ARB2A: variants seen among roughly 807,000 people sequenced by gnomAD.
ARB2A encodes ARB2 cotranscriptional regulator A.
At chr5:93,860,426 C>T in the ARB2A span, among the ~76,000 whole-genome samples, 1 of 150,782 alleles carries the variant, frequency 6.6e-6, no homozygotes, top group African/African-American at 2.4e-5. Context: ...AAATGGATGT[C>T]GTACACAAAA....
chr5:93,765,302 T>A, the ARB2A span, among the ~76,000 whole-genome samples: 1 of 152,194 alleles, frequency 6.6e-6, no homozygotes, highest in Non-Finnish European at 1.5e-5. Flanking sequence ...AACCCCATTG[T>A]CTCAGCCCAA....
the ARB2A span, chr5:94,055,962 A>G: frequency 1.1e-6 from 1 of 897,726 alleles, no homozygotes; most frequent in African/African-American, 1.8e-5. Flanking sequence ...ACTTTCATAT[A>G]CATTACTTCA....
chr5:93,662,585 T>C, the ARB2A span, among the ~76,000 whole-genome samples: 3 of 152,224 alleles, frequency 2.0e-5, no homozygotes, highest in Non-Finnish European at 4.4e-5. Flanking sequence ...CCTACACACC[T>C]GTCTTTAGTA....
chr5:93,799,667 T>C, the ARB2A span, among the ~76,000 whole-genome samples: 1 of 152,116 alleles, frequency 6.6e-6, no homozygotes, highest in African/African-American at 2.4e-5. Context: ...TGTACATGGT[T>C]AGTACCAGGA....
the ARB2A span, among the ~76,000 whole-genome samples, chr5:93,770,549 T>C: frequency 6.6e-6 from 1 of 152,130 alleles, no homozygotes; most frequent in East Asian, 1.9e-4. Context: ...ATTGTATATC[T>C]AGAAAACCCC....
chr5:94,034,619 C>T, the ARB2A span, among the ~76,000 whole-genome samples: 1 of 152,214 alleles, frequency 6.6e-6, no homozygotes, highest in Non-Finnish European at 1.5e-5. Flanking sequence ...AACCCTTATT[C>T]TGTTTTATCC....
chr5:93,796,358 T>C, the ARB2A span, among the ~76,000 whole-genome samples: 258 of 152,284 alleles, frequency 1.7e-3, 2 homozygotes, highest in African/African-American at 5.3e-3. Flanking sequence ...TGAAATGGTA[T>C]AGCACTAATG....
the ARB2A span, among the ~76,000 whole-genome samples, chr5:94,066,869 C>T: frequency 2.4e-4 from 36 of 152,176 alleles, no homozygotes; most frequent in African/African-American, 8.7e-4. Context: ...ATATCAAAAC[C>T]AGACAAGATT....
chr5:93,868,640 T>C, the ARB2A span, among the ~76,000 whole-genome samples: 1 of 152,164 alleles, frequency 6.6e-6, no homozygotes, highest in African/African-American at 2.4e-5. Context: ...CATTTAGGCT[T>C]TCCTTCATCT....
the ARB2A span, among the ~76,000 whole-genome samples, chr5:94,103,044 T>C: frequency 6.6e-6 from 1 of 151,982 alleles, no homozygotes; most frequent in Non-Finnish European, 1.5e-5. Flanking sequence ...TGAAAGGCCA[T>C]TACTGGCCAC....
chr5:93,796,990 G>A, the ARB2A span, among the ~76,000 whole-genome samples: 1 of 152,120 alleles, frequency 6.6e-6, no homozygotes, highest in African/African-American at 2.4e-5. Flanking sequence ...TTCACAGATA[G>A]AGAACATGTA....
At chr5:93,777,607 T>A in the ARB2A span, among the ~76,000 whole-genome samples, 1 of 151,908 alleles carries the variant, frequency 6.6e-6, no homozygotes, top group Admixed American at 6.6e-5. Flanking sequence ...AAAGAAATCA[T>A]CCCATCAATC....
chr5:94,090,817 G>A, the ARB2A span, among the ~76,000 whole-genome samples: 1 of 152,098 alleles, frequency 6.6e-6, no homozygotes, highest in Admixed American at 6.5e-5. Flanking sequence ...TGTATGTGAT[G>A]GATTACATTT....
chr5:93,624,518 T>C, the ARB2A span, among the ~76,000 whole-genome samples: 2 of 152,204 alleles, frequency 1.3e-5, no homozygotes, highest in African/African-American at 4.8e-5. Flanking sequence ...AATTCACCTT[T>C]GGAGTGAATT....
At chr5:93,630,339 A>G in the ARB2A span, among the ~76,000 whole-genome samples, 1 of 152,158 alleles carries the variant, frequency 6.6e-6, no homozygotes, top group Non-Finnish European at 1.5e-5. Flanking sequence ...CTCAGAAAAC[A>G]TGTTACAATG....
chr5:94,074,752 C>CA, the ARB2A span: 1 of 1,607,878 alleles, frequency 6.2e-7, no homozygotes, highest in South Asian at 1.1e-5. Context: ...AAATAGACAT[C>CA]AATCTTCAGA....
chr5:93,924,329 T>C, the ARB2A span, among the ~76,000 whole-genome samples: 1 of 152,208 alleles, frequency 6.6e-6, no homozygotes, highest in Non-Finnish European at 1.5e-5. Flanking sequence ...ATCCATGATT[T>C]AATGCCCAAG....
chr5:94,031,393 A>C, the ARB2A span, among the ~76,000 whole-genome samples: 1 of 152,232 alleles, frequency 6.6e-6, no homozygotes, highest in Non-Finnish European at 1.5e-5. Flanking sequence ...ATATAGTAAC[A>C]AACAACCTGG....
At chr5:94,049,807 C>G in the ARB2A span, among the ~76,000 whole-genome samples, 1 of 152,108 alleles carries the variant, frequency 6.6e-6, no homozygotes, top group Non-Finnish European at 1.5e-5. Context: ...AGTAACAGAG[C>G]GAGACCCTGT....
Sources: gnomAD v4.1 joint callset for allele counts (sites outside exome capture counted in the v4.1 genomes callset) on GRCh38, gnomAD v4.1.1 for gene constraint, MANE v1.5 for transcripts, NCBI Gene and HGNC (gene_info 2026-07-23, HGNC 2026-07-21) for gene names.